The following CPAP variants were observed in gnomAD, a reference collection of about 807,000 sequenced individuals.
CPAP encodes the protein centrosome assembly and centriole elongation protein, also known as centrosomal P4.1-associated protein.
chr13:24,905,222 C>T, the CPAP span: 1 of 879,182 alleles, frequency 1.1e-6, no homozygotes, highest in Non-Finnish European at 1.8e-6. Flanking sequence ...TACAAATCAC[C>T]CATTAATTTG....
chr13:24,933,489 A>C, the CPAP span: 1 of 198,334 alleles, frequency 5.0e-6, no homozygotes, highest in Non-Finnish European at 1.1e-5. Context: ...CACTGTCGTC[A>C]CTCACCAGTG....
chr13:24,926,877 A>G, the CPAP span, among the ~76,000 whole-genome samples: 1 of 152,196 alleles, frequency 6.6e-6, no homozygotes, highest in East Asian at 1.9e-4. Flanking sequence ...AAAAGGATTA[A>G]TTGAGGCCAT....
At chr13:24,905,312 A>T in the CPAP span, 1 of 1,591,792 alleles carries the variant, frequency 6.3e-7, no homozygotes, top group Non-Finnish European at 8.6e-7. Flanking sequence ...AATTTCTAAC[A>T]TTCTGATACA....
chr13:24,886,133 C>T, the CPAP span: 2 of 422,602 alleles, frequency 4.7e-6, no homozygotes. Context: ...AATAAACACG[C>T]CCCCACCAAC....
At chr13:24,894,604 C>T in the CPAP span, among the ~76,000 whole-genome samples, 19,507 of 152,164 alleles carry the variant, frequency 0.13, 1,329 homozygotes, top group Non-Finnish European at 0.15. Flanking sequence ...AGGAGTTTTG[C>T]TGCAAAGGAA....
the CPAP span, among the ~76,000 whole-genome samples, chr13:24,895,447 G>A: frequency 2.6e-5 from 4 of 152,206 alleles, no homozygotes; most frequent in Non-Finnish European, 4.4e-5. Context: ...GCGTGGTGGC[G>A]GGTGCCTGTA....
the CPAP span, among the ~76,000 whole-genome samples, chr13:24,911,301 C>T: frequency 6.6e-6 from 1 of 152,164 alleles, no homozygotes; most frequent in Non-Finnish European, 1.5e-5. Context: ...AACCACTGCT[C>T]CAGGTCACAT....
At chr13:24,902,553 T>C in the CPAP span, among the ~76,000 whole-genome samples, 19 of 152,246 alleles carry the variant, frequency 1.2e-4, no homozygotes, top group Non-Finnish European at 2.6e-4. Context: ...AGTGGATTAA[T>C]AGCTGTCTAT....
the CPAP span, among the ~76,000 whole-genome samples, chr13:24,927,202 G>A: frequency 6.6e-6 from 1 of 152,096 alleles, no homozygotes; most frequent in Non-Finnish European, 1.5e-5. Context: ...TAGCCCAATG[G>A]GGGGGTCACT....
At chr13:24,920,276 G>A in the CPAP span, among the ~76,000 whole-genome samples, 2 of 152,204 alleles carry the variant, frequency 1.3e-5, no homozygotes, top group South Asian at 2.1e-4. Context: ...TGTTCAGTAT[G>A]TACAAATGCT....
At chr13:24,886,486 T>C in the CPAP span, 19 of 566,922 alleles carry the variant, frequency 3.4e-5, no homozygotes, top group Non-Finnish European at 5.5e-5. Flanking sequence ...ATGTAACTAA[T>C]AGATCCAGAA....
the CPAP span, among the ~76,000 whole-genome samples, chr13:24,919,908 T>G: frequency 6.6e-6 from 1 of 152,038 alleles, no homozygotes; most frequent in African/African-American, 2.4e-5. Flanking sequence ...GGCCTACAGG[T>G]ATGTGTCACC....
the CPAP span, chr13:24,932,988 C>CT: frequency 6.5e-7 from 1 of 1,548,166 alleles, no homozygotes; most frequent in South Asian, 1.1e-5. Flanking sequence ...TCCTTAAAAA[C>CT]TTTGTTTCCT....
the CPAP span, among the ~76,000 whole-genome samples, chr13:24,901,398 G>A: frequency 0.044 from 6,677 of 152,262 alleles, 463 homozygotes; most frequent in African/African-American, 0.15. Context: ...AGGTTGGCAA[G>A]ATTTGAAAGA....
chr13:24,905,849 T>C, the CPAP span: 1 of 1,614,116 alleles, frequency 6.2e-7, no homozygotes, highest in Non-Finnish European at 8.5e-7. Context: ...TTGTGGGCTA[T>C]CCTCTCTGCT....
At chr13:24,884,063 T>A in the CPAP span, 7 of 1,613,598 alleles carry the variant, frequency 4.3e-6, no homozygotes, top group Non-Finnish European at 5.9e-6. Context: ...ATTTCTTTTC[T>A]TCCATCTGGG....
chr13:24,900,229 G>A, the CPAP span, among the ~76,000 whole-genome samples: 1 of 152,210 alleles, frequency 6.6e-6, no homozygotes, highest in Non-Finnish European at 1.5e-5. Flanking sequence ...GGAGCAGCAA[G>A]TGCCAAGGCC....
chr13:24,912,655 T>C, the CPAP span: 1 of 1,613,676 alleles, frequency 6.2e-7, no homozygotes, highest in Non-Finnish European at 8.5e-7. Flanking sequence ...TGGGATGAAG[T>C]CATTTTTGTT....
chr13:24,888,314 G>C, the CPAP span, among the ~76,000 whole-genome samples: 3 of 151,918 alleles, frequency 2.0e-5, no homozygotes, highest in African/African-American at 7.3e-5. Context: ...TATTAGCAGT[G>C]CTTGTAACTG....
Sources: allele counts gnomAD v4.1 joint callset (sites outside exome capture counted in the v4.1 genomes callset), GRCh38; gene constraint gnomAD v4.1.1; transcripts MANE v1.5; gene names NCBI Gene and HGNC (gene_info 2026-07-23, HGNC 2026-07-21).